The following N4BP2 variants were observed in gnomAD, a reference collection of about 807,000 sequenced individuals.
The protein encoded by N4BP2 is NEDD4-binding protein 2.
Under a neutral mutation model 152.8 loss-of-function variants are expected in N4BP2, and 91 were observed. The observed-to-expected ratio is 0.60, with a 90% CI of 0.50 to 0.71. The LOEUF (loss-of-function observed/expected upper bound fraction) is 0.71. Among genes scored for constraint, N4BP2 ranks in the 30% least tolerant of loss-of-function variants. The probability of loss-of-function intolerance (pLI) is 0.00; values close to 1 mark genes in which losing one functional copy is unlikely to be tolerated. For missense variants in N4BP2, 1,923 were observed against 2,059.1 expected, an observed-to-expected ratio of 0.93 and a Z score of 1.28; for synonymous variants, 646 against 705.3, an observed-to-expected ratio of 0.92 and a Z score of 1.33.
intron 1 of N4BP2, among the ~76,000 whole-genome samples, chr4:40,066,797 A>G (rs1385496250): frequency 6.6e-6 from 1 of 152,186 alleles, no homozygotes; most frequent in African/African-American, 2.4e-5. Context: ...AGTGTTAACT[A>G]TGCACATTGT....
chr4:40,181,861 A>G, the N4BP2 span, among the ~76,000 whole-genome samples: 3 of 152,158 alleles, frequency 2.0e-5, no homozygotes, highest in South Asian at 6.2e-4. Flanking sequence ...AGGCATGACA[A>G]TTGCTTGAAC....
the N4BP2 span, among the ~76,000 whole-genome samples, chr4:40,165,704 T>C: frequency 1.6e-4 from 24 of 152,318 alleles, no homozygotes; most frequent in African/African-American, 5.8e-4. Flanking sequence ...AACCCACACA[T>C]AGAGTGAATA....
the N4BP2 span, among the ~76,000 whole-genome samples, chr4:40,163,978 G>C: frequency 6.6e-6 from 1 of 152,190 alleles, no homozygotes; most frequent in South Asian, 2.1e-4. Flanking sequence ...TCAGTTAAGT[G>C]ACTTTTCTCC....
chr4:40,165,621 T>C, the N4BP2 span, among the ~76,000 whole-genome samples: 1 of 152,176 alleles, frequency 6.6e-6, no homozygotes, highest in African/African-American at 2.4e-5. Flanking sequence ...TAAAAGGATA[T>C]GTATAGATAG....
chr4:40,127,299 C>T (rs1718499233), intron 12 of N4BP2, among the ~76,000 whole-genome samples: 1 of 150,264 alleles, frequency 6.7e-6, no homozygotes, highest in Non-Finnish European at 1.5e-5. Context: ...CTCACTGCAG[C>T]CTCAACCTCC....
At chr4:40,139,915 T>C (rs1719760230) in intron 14 of N4BP2, among the ~76,000 whole-genome samples, 1 of 147,206 alleles carries the variant, frequency 6.8e-6, no homozygotes, top group South Asian at 2.3e-4. Flanking sequence ...TCCTCCCATC[T>C]CCCCCTCCTG....
intron 2 of N4BP2, among the ~76,000 whole-genome samples, chr4:40,080,263 T>G (rs1321501206): frequency 1.3e-5 from 2 of 151,660 alleles, no homozygotes; most frequent in African/African-American, 4.8e-5. Flanking sequence ...GGGATTGAGA[T>G]AAACTGGATT....
chr4:40,142,935 C>A, intron 15 of N4BP2, 74 bp downstream of exon 15: 1 of 1,188,434 alleles, frequency 8.4e-7, no homozygotes, highest in South Asian at 1.4e-5. Context: ...ATAAGACACC[C>A]ATATTGTGAC....
At chr4:40,137,652 A>G (rs1295216431) in intron 14 of N4BP2, among the ~76,000 whole-genome samples, 1 of 152,140 alleles carries the variant, frequency 6.6e-6, no homozygotes, top group Non-Finnish European at 1.5e-5. Flanking sequence ...TATCATACTC[A>G]CAGAGTTCTG....
intron 3 of N4BP2, 89 bp downstream of exon 3, chr4:40,097,658 TTG>T: frequency 1.3e-6 from 1 of 761,810 alleles, no homozygotes; most frequent in Non-Finnish European, 2.1e-6. Flanking sequence ...GAAAAATGTC[TTG>T]TTTCTATTTT....
At chr4:40,180,916 C>G in the N4BP2 span, among the ~76,000 whole-genome samples, 2 of 152,278 alleles carry the variant, frequency 1.3e-5, no homozygotes, top group South Asian at 4.1e-4. Flanking sequence ...CTTTGGGAGG[C>G]TGAGGCGGGT....
chr4:40,138,139 C>G (rs1374836808), intron 14 of N4BP2, among the ~76,000 whole-genome samples: 1 of 152,122 alleles, frequency 6.6e-6, no homozygotes, highest in Non-Finnish European at 1.5e-5. Context: ...ATGGTTAATA[C>G]AGAAATGGTG....
At chr4:40,149,902 GAAAAA>G (rs534686637) in intron 16 of N4BP2, among the ~76,000 whole-genome samples, 1 of 95,306 alleles carries the variant, frequency 1.0e-5, no homozygotes. Context: ...ATCTCAAAAA[GAAAAA>G]AAAAAAAAAA....
chr4:40,064,466 G>T (rs1733886097), intron 1 of N4BP2, among the ~76,000 whole-genome samples: 1 of 151,962 alleles, frequency 6.6e-6, no homozygotes, highest in Non-Finnish European at 1.5e-5. Flanking sequence ...GTAGAGACGG[G>T]GTTTTGCCAT....
intron 2 of N4BP2, among the ~76,000 whole-genome samples, chr4:40,084,728 C>T (rs973391251): frequency 2.7e-5 from 4 of 150,058 alleles, no homozygotes; most frequent in African/African-American, 9.8e-5. Flanking sequence ...CTCCCGGGTT[C>T]AAGCGATTCT....
At chr4:40,160,404 C>G (rs1484490003), downstream of N4BP2, among the ~76,000 whole-genome samples, 1 of 152,080 alleles carries the variant, frequency 6.6e-6, no homozygotes, top group Non-Finnish European at 1.5e-5. Context: ...GTTGATTTTT[C>G]TTGTGCTGGT....
chr4:40,100,194 A>C lies in N4BP2; in HGVS notation c.230-1881A>C, dbSNP rs1300538461. 4 of 428,998 alleles carry C rather than the reference A, an allele frequency of 9.3e-6. No homozygotes were observed. In the Admixed American group the frequency reaches 1.0e-4, roughly 11 times the overall value. 26.6% of individuals were successfully genotyped at this position (428,998 alleles called of 1,614,324 possible). On this transcript the variant is annotated intron_variant, in intron 3 of 17. Coordinates refer to ENST00000261435, the MANE Select transcript of N4BP2 (RefSeq NM_018177.6). ...AGGTTTAGGAAAGTTAACTTGTTGA[A>C]AGTGTCATAGCCAGCAGTAGAGATT...
At position 40,154,920 on chromosome 4, in the gene N4BP2, C is replaced by T. The variant is rs1476997638; in HGVS notation, c.*683C>T. ...TACTTTCTATAGACAGAAAGGTTTT[C>T]AGAGAAAAAGAAATGGTTAAATATC... On this transcript the variant is annotated 3_prime_UTR_variant, in exon 18 of 18. Transcript: ENST00000261435. 2.0e-5 allele frequency: 3 copies of T among 152,174 alleles called. No individual in the cohort carries two copies. Among genetic ancestry groups the T allele is most frequent in the Non-Finnish European group, 4.4e-5 (3 of 68,068 alleles). The allele number at this position is 152,174 out of a possible 1,614,324, so 9.4% of individuals were successfully genotyped here.
At chr4:40,084,606 T>TTG (rs1409230739) in intron 2 of N4BP2, among the ~76,000 whole-genome samples, 3 of 140,654 alleles carry the variant, frequency 2.1e-5, no homozygotes, top group Admixed American at 7.6e-5. Context: ...CAGCCAAATT[T>TTG]TGTGTGTGTA....
Sources: allele counts gnomAD v4.1 joint callset (sites outside exome capture counted in the v4.1 genomes callset), GRCh38; gene constraint gnomAD v4.1.1; transcripts MANE v1.5; gene names NCBI Gene and HGNC (gene_info 2026-07-23, HGNC 2026-07-21).